The following C16orf96 variants were observed in gnomAD, a reference collection of about 807,000 sequenced individuals.
The protein encoded by C16orf96 is chromosome 16 open reading frame 96.
Under a neutral mutation model 103.6 loss-of-function variants are expected in C16orf96, and 108 were observed. The observed-to-expected ratio is 1.04, with a 90% confidence interval of 0.89 to 1.22. C16orf96 has a LOEUF of 1.22. C16orf96 is among the 50% of genes most tolerant of loss of function. The pLI is 0.00. For missense variants in C16orf96, 1,586 were observed against 1,464.2 expected, an observed-to-expected ratio of 1.08 and a Z score of -1.36; for synonymous variants, 566 against 593.5, an observed-to-expected ratio of 0.95 and a Z score of 0.67.
intron 14 of C16orf96, 100 bp from the exon 15 acceptor site, chr16:4,599,184 G>T: frequency 2.1e-6 from 2 of 967,894 alleles, no homozygotes; most frequent in South Asian, 2.8e-5. Context: ...GGGAAATGGG[G>T]TTGGTCCCAC....
chr16:4,577,494 C>T (rs577582115), intron 5 of C16orf96, among the ~76,000 whole-genome samples: 7 of 150,778 alleles, frequency 4.6e-5, no homozygotes, highest in African/African-American at 7.3e-5. Context: ...ACTAAAAATA[C>T]AAAAAAATTA....
Position 4,576,299 on chromosome 16 carries a change from A to G in C16orf96, c.1819A>G (p.Ile607Val), listed in dbSNP as rs1221363494. 1 of 1,550,802 alleles carries G rather than the reference A, an allele frequency of 6.4e-7. No individual in the cohort carries two copies. Among genetic ancestry groups the G allele is most frequent in the East Asian group, 2.4e-5 (1 of 40,924 alleles). Residue 607 changes from isoleucine (I) to valine (V), a missense_variant, in exon 5 of 16, where the codon ATT becomes GTT. Transcript: ENST00000444310. Reference sequence around the variant, plus strand: ...TGCCCCAGCCACCAAAATGGCCGCCATTGCAACAGACACGGCTGCAGCTGG... The same window carrying G: ...TGCCCCAGCCACCAAAATGGCCGCCGTTGCAACAGACACGGCTGCAGCTGG... ...KDAPATKMAA[I>V]ATDTAAAGPL...
At position 4,594,271 on chromosome 16, in the gene C16orf96, C is replaced by T. The variant is rs1423689378; in HGVS notation, c.2868-80C>T. On this transcript the variant is annotated intron_variant, in intron 12 of 15. Transcript: ENST00000444310. ...AAGAAATGCTGGTCTTCCCTCGATG[C>T]TGGCCAGGCCCTTGGGGCCCGTCCT... 2.7e-6 allele frequency: 4 copies of T among 1,465,862 alleles called. No individual in the cohort carries two copies. In the African/African-American group the frequency reaches 5.7e-5, roughly 21 times the overall value. The allele number at this position is 1,465,862 out of a possible 1,614,324, so 90.8% of individuals were successfully genotyped here. A position where few individuals can be genotyped will look rare whatever the true frequency, so the allele number is the denominator to read the frequency against.
chr16:4,577,459 G>T (rs902204403), intron 5 of C16orf96, among the ~76,000 whole-genome samples: 1 of 151,662 alleles, frequency 6.6e-6, no homozygotes, highest in Non-Finnish European at 1.5e-5. Flanking sequence ...GACCATCCTG[G>T]CTGACACGGT....
In C16orf96 at chr16:4,600,484, C is replaced by T. The variant is rs1186541291; in HGVS notation, c.*167C>T. On this transcript the variant is annotated 3_prime_UTR_variant, in exon 16 of 16. Coordinates refer to ENST00000444310, the MANE Select transcript of C16orf96 (RefSeq NM_001145011.2). Reference sequence around the variant, plus strand: ...CCCCTCCATGTCCGAGGCTGAGGCTCATGCGCCCCCCCCCATCCCTACCAA... The same window carrying T: ...CCCCTCCATGTCCGAGGCTGAGGCTTATGCGCCCCCCCCCATCCCTACCAA... 2 of 433,500 alleles carry T rather than the reference C, an allele frequency of 4.6e-6. No homozygotes were observed. Among genetic ancestry groups the T allele is most frequent in the Admixed American group, 5.0e-5 (1 of 20,046 alleles). 26.9% of individuals were successfully genotyped at this position (433,500 alleles called of 1,614,324 possible).
intron 6 of C16orf96, 48 bp from the exon 7 acceptor site, chr16:4,579,967 G>A: frequency 6.7e-7 from 1 of 1,486,744 alleles, no homozygotes; most frequent in Non-Finnish European, 9.2e-7. Context: ...CCCGGCCATG[G>A]TAACTTCAGA....
chr16:4,543,931 C>A, the C16orf96 span, among the ~76,000 whole-genome samples: 1 of 151,962 alleles, frequency 6.6e-6, no homozygotes, highest in Non-Finnish European at 1.5e-5. Context: ...TGTGAGCCAC[C>A]GCACCCCGCC....
chr16:4,582,069 G>T (rs917612254), intron 7 of C16orf96, among the ~76,000 whole-genome samples: 1 of 152,076 alleles, frequency 6.6e-6, no homozygotes. Flanking sequence ...ATCACCTGAG[G>T]TCAGGAGTTC....
chr16:4,567,304 G>A (rs1596518614), intron 1 of C16orf96, among the ~76,000 whole-genome samples: 2 of 87,018 alleles, frequency 2.3e-5, no homozygotes, highest in South Asian at 7.4e-4. Context: ...TTTTTTTTGA[G>A]ATGGAGTCTC....
intron 10 of C16orf96, 102 bp downstream of exon 10, chr16:4,591,886 G>A (rs1275578500): frequency 6.5e-6 from 6 of 925,990 alleles, no homozygotes; most frequent in East Asian, 2.6e-5. Context: ...ACCTTTGGAT[G>A]AGGGGATGGG....
At chr16:4,570,529 A>T (rs976952394) in intron 1 of C16orf96, among the ~76,000 whole-genome samples, 1 of 140,108 alleles carries the variant, frequency 7.1e-6, no homozygotes, top group Non-Finnish European at 1.5e-5. Flanking sequence ...CAGTGGTGCG[A>T]TCTTGGCTCA....
intron 2 of C16orf96, 70 bp from the exon 3 acceptor site, chr16:4,574,639 G>C (rs1324448132): frequency 2.4e-6 from 3 of 1,275,776 alleles, no homozygotes; most frequent in Middle Eastern, 1.8e-4. Context: ...TAGTCACCTA[G>C]AGCCACGGGA....
chr16:4,574,036 C>T (rs1186894637), intron 2 of C16orf96, among the ~76,000 whole-genome samples: 1 of 151,712 alleles, frequency 6.6e-6, no homozygotes, highest in Non-Finnish European at 1.5e-5. Flanking sequence ...GGCTTCACCA[C>T]ATTGGTCAGG....
In C16orf96 at chr16:4,576,603, C is replaced by G; in HGVS notation, c.2123C>G (p.Ser708Cys). The change falls in exon 5 of 16, where the codon TCC (serine) becomes TGC (cysteine). Residue 708 changes from serine (S) to cysteine (C), a missense_variant. Ser to Cys is a moderately radical substitution (Grantham distance 112, BLOSUM62 -1). Coordinates refer to ENST00000444310, the MANE Select transcript of C16orf96 (RefSeq NM_001145011.2). The stretch of plus-strand genomic sequence containing the variant: ...CTGAAGGAAGAATTTGCCCAGCTGT[C>G]CTGTAACCTGAACCAGCGCTTGAGT... ...DSLKEEFAQL[S>C]CNLNQRLSYL... 2.6e-6 allele frequency: 4 copies of G among 1,551,494 alleles called. No homozygotes were observed. The highest frequency in any genetic ancestry group is 3.5e-6 in the Non-Finnish European group (4 of 1,146,944).
the C16orf96 span, among the ~76,000 whole-genome samples, chr16:4,543,933 C>T: frequency 6.6e-6 from 1 of 152,108 alleles, no homozygotes; most frequent in South Asian, 2.1e-4. Flanking sequence ...TGAGCCACCG[C>T]ACCCCGCCAG....
intron 7 of C16orf96, among the ~76,000 whole-genome samples, chr16:4,586,787 C>T (rs1388303513): frequency 6.6e-6 from 1 of 152,188 alleles, no homozygotes; most frequent in Admixed American, 6.5e-5. Flanking sequence ...TTGGGTCTAA[C>T]TCCCCGTGGA....
chr16:4,585,909 C>G lies in C16orf96; in HGVS notation c.2353-1130C>G, dbSNP rs750078904. On this transcript the variant is annotated intron_variant, in intron 7 of 15. Transcript: ENST00000444310. ...AAGCCATAGGTGTGAAAAGACAGAC[C>G]GAGCAGGATAATGGACACAGGAGAC... Among the ~76,000 whole-genome samples the G allele has an allele frequency of 7.2e-4, 109 of 152,088 alleles. 1 individual carries two copies. Among genetic ancestry groups the G allele is most frequent in the Non-Finnish European group, 1.0e-3 (71 of 67,988 alleles).
intron 14 of C16orf96, among the ~76,000 whole-genome samples, chr16:4,595,711 G>GTTA (rs1444392165): frequency 1.0e-5 from 1 of 96,528 alleles, no homozygotes; most frequent in Non-Finnish European, 2.4e-5. Context: ...TGTTGTTGTT[G>GTTA]TTTGTTTGTT....
At chr16:4,596,683 A>AAAAC (rs139039238) in intron 14 of C16orf96, among the ~76,000 whole-genome samples, 133,903 of 150,802 alleles carry the variant, frequency 0.89, 60,660 homozygotes, top group East Asian at 1. Flanking sequence ...CCCTGTCTCA[A>AAAAC]AAACAAACAA....
Sources: allele counts gnomAD v4.1 joint callset (sites outside exome capture counted in the v4.1 genomes callset), GRCh38; gene constraint gnomAD v4.1.1; transcripts MANE v1.5; gene names NCBI Gene and HGNC (gene_info 2026-07-23, HGNC 2026-07-21).